CTNNA3: variants seen among roughly 807,000 people sequenced by gnomAD.
The protein encoded by CTNNA3 is catenin alpha 3.
In CTNNA3, 76 loss-of-function variants were observed where a neutral mutation model predicts 95.7. The observed-to-expected ratio is 0.79, with a 90% CI of 0.66 to 0.96. CTNNA3 has a LOEUF of 0.96. Ranked by LOEUF, CTNNA3 falls within the 40% of genes least tolerant of loss-of-function variation. The probability of loss-of-function intolerance (pLI) is 0.00; values close to 1 mark genes in which losing one functional copy is unlikely to be tolerated. For synonymous variants in CTNNA3, 431 were observed against 374.4 expected, an observed-to-expected ratio of 1.15 and a Z score of -1.74; for missense variants, 1,191 against 1,089.8, an observed-to-expected ratio of 1.09 and a Z score of -1.31.
At chr10:67,061,700 C>T (rs551326417) in intron 7 of CTNNA3, among the ~76,000 whole-genome samples, 11 of 152,272 alleles carry the variant, frequency 7.2e-5, no homozygotes, top group South Asian at 4.1e-4. Flanking sequence ...GAAAGAGAAA[C>T]GATATTTCAG....
chr10:66,482,375 G>A (rs112883404), intron 11 of CTNNA3, among the ~76,000 whole-genome samples: 20 of 152,134 alleles, frequency 1.3e-4, no homozygotes, highest in African/African-American at 4.8e-4. Context: ...TGAGTGTAGG[G>A]CATTTTACTG....
chr10:66,031,505 C>T lies in CTNNA3; in HGVS notation c.2159+37803G>A, dbSNP rs554991133. Among the ~76,000 whole-genome samples the T allele has an allele frequency of 2.0e-5, 3 of 152,178 alleles. No homozygotes were observed. In the South Asian group the frequency reaches 6.2e-4, roughly 32 times the overall value. ...CACTTATAAGTGGGAGCCAGGCACACTGGGGACACATGGACATAAAGATGG... is the reference window on the plus strand; with the variant it reads ...CACTTATAAGTGGGAGCCAGGCACATTGGGGACACATGGACATAAAGATGG... On this transcript the variant is annotated intron_variant, in intron 15 of 17. Coordinates refer to ENST00000433211, the MANE Select transcript of CTNNA3 (RefSeq NM_013266.4).
intron 1 of CTNNA3, among the ~76,000 whole-genome samples, chr10:67,746,021 T>A (rs1841373399): frequency 6.6e-6 from 1 of 152,132 alleles, no homozygotes; most frequent in Non-Finnish European, 1.5e-5. Context: ...ACAGATTCAA[T>A]GCAACCACTA....
At chr10:66,179,069 A>C in intron 13 of CTNNA3, among the ~76,000 whole-genome samples, 1 of 152,042 alleles carries the variant, frequency 6.6e-6, no homozygotes, top group Non-Finnish European at 1.5e-5. Context: ...CCCAGAGAAA[A>C]TAAAAGCTAT....
At position 66,802,717 on chromosome 10, in the gene CTNNA3, G is replaced by GA. The variant is rs532442768; in HGVS notation, c.1048-27194dup. ...ATCTGAATCATAATAGCCCCAAACCGAAAAAAAAAAACCCTCAAATGCCCT... is the reference window on the plus strand; with the variant it reads ...ATCTGAATCATAATAGCCCCAAACCGAAAAAAAAAAAACCCTCAAATGCCCT... On this transcript the variant is annotated intron_variant, in intron 7 of 17. Coordinates refer to ENST00000433211, the MANE Select transcript of CTNNA3 (RefSeq NM_013266.4). Among the ~76,000 whole-genome samples the GA allele has an allele frequency of 3.6e-3, 506 of 139,292 alleles. 4 individuals are homozygous for GA. Among genetic ancestry groups the GA allele is most frequent in the East Asian group, 0.027 (132 of 4,822 alleles). The allele number at this position is 139,292 out of a possible 152,430, so 91.4% of individuals were successfully genotyped here. A position where few individuals can be genotyped will look rare whatever the true frequency, so the allele number is the denominator to read the frequency against.
intron 6 of CTNNA3, among the ~76,000 whole-genome samples, chr10:67,199,727 G>A (rs1055450388): frequency 2.0e-5 from 3 of 151,974 alleles, no homozygotes; most frequent in African/African-American, 7.3e-5. Context: ...ACATAGCTTT[G>A]GCAAATGGGA....
At chr10:67,411,018 A>C (rs990399931) in intron 5 of CTNNA3, among the ~76,000 whole-genome samples, 1 of 152,142 alleles carries the variant, frequency 6.6e-6, no homozygotes, top group Non-Finnish European at 1.5e-5. Flanking sequence ...ATAGAAGCAG[A>C]GTAAAAATAG....
Position 65,959,144 on chromosome 10 carries a change from G to T in CTNNA3, c.2400+7468C>A, listed in dbSNP as rs184565424. Among the ~76,000 whole-genome samples the T allele has an allele frequency of 5.9e-5, 9 of 152,302 alleles. No homozygotes were observed. The East Asian group carries it at 7.8e-4, about 13-fold the overall frequency. On this transcript the variant is annotated intron_variant, in intron 17 of 17. Coordinates refer to ENST00000433211, the MANE Select transcript of CTNNA3 (RefSeq NM_013266.4). ...CCACCTTGCAGTTCAATCTCAGACTGCTGTGCCAGCAGTGAGTGAGGCTCT... is the reference window on the plus strand; with the variant it reads ...CCACCTTGCAGTTCAATCTCAGACTTCTGTGCCAGCAGTGAGTGAGGCTCT...
At position 65,920,487 on chromosome 10, in the gene CTNNA3, G is replaced by T; in HGVS notation, c.2531C>A (p.Pro844Gln). ...RIQSPAGPRHPVVMWRMKAPA... is the reference protein window; with the variant it reads ...RIQSPAGPRHQVVMWRMKAPA... Reference sequence around the variant, plus strand: ...AGCCTTCATTCTCCACATCACAACTGGGTGCCGGGGCCCAGCAGGACTCTG... The same window carrying T: ...AGCCTTCATTCTCCACATCACAACTTGGTGCCGGGGCCCAGCAGGACTCTG... Residue 844 changes from proline to glutamine, a missense_variant, in exon 18 of 18, where the codon CCA becomes CAA. By Grantham distance (76) the Pro-to-Gln change is moderately conservative (BLOSUM62 -1). Transcript: ENST00000433211. 2 of 1,614,056 alleles carry T rather than the reference G, an allele frequency of 1.2e-6. No homozygotes were observed. The highest frequency in any genetic ancestry group is 1.7e-6 in the Non-Finnish European group (2 of 1,180,014).
At chr10:66,743,727 C>T (rs942565892) in intron 9 of CTNNA3, among the ~76,000 whole-genome samples, 3 of 151,956 alleles carry the variant, frequency 2.0e-5, no homozygotes, top group African/African-American at 7.2e-5. Context: ...ACTGTAATCC[C>T]AGCACTTTGG....
rs181708027 is a variant in CTNNA3, at chr10:67,366,479, A to G, written c.580-146609T>C. Among the ~76,000 whole-genome samples the G allele has an allele frequency of 3.0e-3, 459 of 152,256 alleles. 3 individuals are homozygous for G. Among genetic ancestry groups the G allele is most frequent in the Middle Eastern group, 0.014 (4 of 294 alleles). On this transcript the variant is annotated intron_variant, in intron 5 of 17. Coordinates refer to ENST00000433211, the MANE Select transcript of CTNNA3 (RefSeq NM_013266.4). ...AACATGGTGAAACCCCGTCTCTACT[A>G]AAAATACAAAAATCAGCCAGGAGTG... is the stretch of plus-strand genomic sequence containing the variant.
At chr10:67,598,995 C>A (rs544871628) in intron 3 of CTNNA3, among the ~76,000 whole-genome samples, 5 of 152,192 alleles carry the variant, frequency 3.3e-5, no homozygotes, top group African/African-American at 7.2e-5. Context: ...CAATTGCTGC[C>A]CATTTCATTT....
At chr10:66,813,375 C>T (rs917543126) in intron 7 of CTNNA3, among the ~76,000 whole-genome samples, 5 of 152,078 alleles carry the variant, frequency 3.3e-5, no homozygotes, top group South Asian at 2.1e-4. Context: ...TGAAAACAGG[C>T]GTCTACTCAA....
intron 5 of CTNNA3, among the ~76,000 whole-genome samples, chr10:67,392,616 T>C (rs886931839): frequency 2.6e-5 from 4 of 152,204 alleles, no homozygotes; most frequent in East Asian, 1.9e-4. Context: ...CGTATGTTTA[T>C]TGCGGCACTC....
chr10:66,240,046 C>T (rs2090036740), intron 13 of CTNNA3, among the ~76,000 whole-genome samples: 1 of 151,774 alleles, frequency 6.6e-6, no homozygotes, highest in Non-Finnish European at 1.5e-5. Context: ...TTATAGATAT[C>T]CATAAGTGTT....
intron 11 of CTNNA3, among the ~76,000 whole-genome samples, chr10:66,402,982 C>T (rs1290936066): frequency 6.6e-6 from 1 of 152,152 alleles, no homozygotes; most frequent in Non-Finnish European, 1.5e-5. Flanking sequence ...CATTTTTCTA[C>T]TCACTCCAAT....
intron 5 of CTNNA3, among the ~76,000 whole-genome samples, chr10:67,511,125 T>C (rs1564704213): frequency 6.6e-6 from 1 of 152,238 alleles, no homozygotes; most frequent in Non-Finnish European, 1.5e-5. Flanking sequence ...TAAACAATCA[T>C]GTCATCTTCA....
chr10:66,430,938 A>G (rs1343569313), intron 11 of CTNNA3, among the ~76,000 whole-genome samples: 1 of 152,224 alleles, frequency 6.6e-6, no homozygotes, highest in Non-Finnish European at 1.5e-5. Context: ...CTGCACAGCA[A>G]AAGAAACTAC....
intron 2 of CTNNA3, among the ~76,000 whole-genome samples, chr10:67,637,829 C>G (rs1839375523): frequency 6.8e-6 from 1 of 147,038 alleles, no homozygotes; most frequent in Admixed American, 6.7e-5. Flanking sequence ...GATTTTGTCA[C>G]CAACAGGCCT....
Sources: allele counts gnomAD v4.1 joint callset (sites outside exome capture counted in the v4.1 genomes callset), GRCh38; gene constraint gnomAD v4.1.1; transcripts MANE v1.5; gene names NCBI Gene and HGNC (gene_info 2026-07-23, HGNC 2026-07-21).